The following AOX1 variants were observed in gnomAD, a reference collection of about 807,000 sequenced individuals.
AOX1 encodes the protein aldehyde oxidase.
A neutral mutation model predicts 169.5 loss-of-function variants in AOX1; 153 were observed. That is an observed-to-expected ratio of 0.90 (90% CI 0.79 to 1.03). AOX1 has a LOEUF of 1.03. Ranked by LOEUF, AOX1 falls within the 50% of genes least tolerant of loss-of-function variation. The pLI is 0.00. For missense variants in AOX1, 1,656 were observed against 1,663.9 expected (o/e 1.00, Z 0.08); for synonymous variants, 562 against 581.9 (o/e 0.97, Z 0.49).
Position 200,668,710 on chromosome 2 carries a change from A to G in AOX1, c.3705A>G (p.Gln1235=), listed in dbSNP as rs931637805. The G allele has an allele frequency of 1.9e-6, 3 of 1,614,222 alleles. No homozygotes were observed. The highest frequency in any genetic ancestry group is 1.3e-5 in the African/African-American group (1 of 75,066). Residue 1235 remains glutamine, a synonymous_variant, in exon 33 of 35, where the codon CAA becomes CAG. Coordinates refer to ENST00000374700, the MANE Select transcript of AOX1 (RefSeq NM_001159.4). Reference sequence around the variant, plus strand: ...TTCTGCACACTCGTGGTCCAGACCAATATAAAATCCCTGCCATCTGTGACA... The same window carrying G: ...TTCTGCACACTCGTGGTCCAGACCAGTATAAAATCCCTGCCATCTGTGACA... ...QGILHTRGPD[Q]YKIPAICDMP...
chr2:200,588,266 C>G (rs1391466134), intron 1 of AOX1: 2 of 152,528 alleles, frequency 1.3e-5, no homozygotes, highest in African/African-American at 4.8e-5. Flanking sequence ...TGCAAAGGTC[C>G]TGAGGTAGGA....
chr2:200,591,633 C>T (rs2034174697), intron 1 of AOX1, among the ~76,000 whole-genome samples: 1 of 152,222 alleles, frequency 6.6e-6, no homozygotes, highest in African/African-American at 2.4e-5. Context: ...GTTCCCTCTA[C>T]CAGAAATCCT....
intron 14 of AOX1, among the ~76,000 whole-genome samples, chr2:200,613,025 T>TGAGAGAGAGA (rs200261175): frequency 1.9e-4 from 18 of 95,834 alleles, no homozygotes; most frequent in Non-Finnish European, 2.9e-4. Context: ...TGTGTGTGTG[T>TGAGAGAGAGA]GTGAGAGAGA....
At chr2:200,658,704 C>T (rs1464797070) in intron 27 of AOX1, among the ~76,000 whole-genome samples, 1 of 152,002 alleles carries the variant, frequency 6.6e-6, no homozygotes, top group Non-Finnish European at 1.5e-5. Context: ...ATGTTCATGC[C>T]GTTGCTTTTC....
chr2:200,613,780 G>A (rs1344444267), intron 14 of AOX1, 24 bp from the exon 15 acceptor site: 2 of 1,606,052 alleles, frequency 1.2e-6, no homozygotes, highest in South Asian at 2.2e-5. Flanking sequence ...GTCAGGCTAG[G>A]AGTCTTCTCT....
chr2:200,630,525 AAGAT>A (rs1309246346), intron 20 of AOX1, among the ~76,000 whole-genome samples: 1 of 145,380 alleles, frequency 6.9e-6, no homozygotes, highest in Non-Finnish European at 1.5e-5. Flanking sequence ...TCAAAAAAAA[AAGAT>A]GGATGGATGG....
At position 200,662,918 on chromosome 2, in the gene AOX1, T is replaced by C. The variant is rs779246305; in HGVS notation, c.3492T>C (p.Tyr1164=). Reference sequence around the variant, plus strand: ...GCCAGCCCTTCGAATACTTTGTTTATGGAGCTGCCTGTTCCGAGGTTGAAA... The same window carrying C: ...GCCAGCCCTTCGAATACTTTGTTTACGGAGCTGCCTGTTCCGAGGTTGAAA... ...GEGQPFEYFV[Y]GAACSEVEID... is the part of the protein sequence containing the mutation. Residue 1164 remains tyrosine (Y), a synonymous_variant, in exon 31 of 35, where the codon TAT becomes TAC. Transcript: ENST00000374700. The C allele has an allele frequency of 6.2e-7, 1 of 1,614,108 alleles. No individual in the cohort carries two copies. The highest frequency in any genetic ancestry group is 8.5e-7 in the Non-Finnish European group (1 of 1,179,964).
chr2:200,679,606 C>T (rs531983230), downstream of AOX1, among the ~76,000 whole-genome samples: 2 of 152,076 alleles, frequency 1.3e-5, no homozygotes, highest in Non-Finnish European at 2.9e-5. Context: ...CTATTTGAGG[C>T]TTATTACACT....
chr2:200,633,622 C>T (rs1205673321), intron 20 of AOX1, among the ~76,000 whole-genome samples: 1 of 151,888 alleles, frequency 6.6e-6, no homozygotes, highest in African/African-American at 2.4e-5. Context: ...TGTGTAATTG[C>T]TTATTAAAGC....
Position 200,670,670 on chromosome 2 carries a change from A to G in AOX1, c.4008A>G (p.Val1336=), listed in dbSNP as rs752704817. The G allele has an allele frequency of 1.2e-5, 19 of 1,612,466 alleles. No homozygotes were observed. In the African/African-American group the frequency reaches 2.5e-4, roughly 22 times the overall value. ...CTGGATCCTACGTTCCTTGGAATGTACCCATCTGAATCAAATGCAAACTTC... is the reference window on the plus strand; with the variant it reads ...CTGGATCCTACGTTCCTTGGAATGTGCCCATCTGAATCAAATGCAAACTTC... ...DEPGSYVPWN[V]PI Residue 1336 remains valine, a synonymous_variant, in exon 35 of 35, where the codon GTA becomes GTG. Coordinates refer to ENST00000374700, the MANE Select transcript of AOX1 (RefSeq NM_001159.4).
chr2:200,647,035 T>C (rs111293911), intron 25 of AOX1, among the ~76,000 whole-genome samples: 18,692 of 152,242 alleles, frequency 0.12, 1,308 homozygotes, highest in Non-Finnish European at 0.16. Flanking sequence ...TCTGTATCTT[T>C]TAAGTGGAGA....
chr2:200,610,793 C>T (rs1038931842), intron 12 of AOX1, among the ~76,000 whole-genome samples: 6 of 152,112 alleles, frequency 3.9e-5, no homozygotes, highest in Admixed American at 2.0e-4. Context: ...AGGTTCTATT[C>T]TACCTGAAAC....
downstream of AOX1, among the ~76,000 whole-genome samples, chr2:200,679,657 C>T (rs936806052): frequency 8.8e-5 from 11 of 124,424 alleles, no homozygotes; most frequent in Admixed American, 6.1e-4. Flanking sequence ...GGTAGTGACG[C>T]CCCCCCCCGA....
intron 20 of AOX1, among the ~76,000 whole-genome samples, chr2:200,632,429 A>G (rs1275633618): frequency 6.6e-6 from 1 of 151,670 alleles, no homozygotes; most frequent in Non-Finnish European, 1.5e-5. Context: ...CTCCCTTTAC[A>G]TCCCTCTCCC....
intron 5 of AOX1, among the ~76,000 whole-genome samples, chr2:200,601,355 T>C (rs772220356): frequency 5.9e-5 from 9 of 152,176 alleles, no homozygotes; most frequent in Non-Finnish European, 8.8e-5. Context: ...GTTTCAGTTA[T>C]GCAAAAGGAG....
At chr2:200,589,343 G>T (rs1295750168) in intron 1 of AOX1, among the ~76,000 whole-genome samples, 1 of 152,062 alleles carries the variant, frequency 6.6e-6, no homozygotes, top group East Asian at 1.9e-4. Context: ...AATAAATTCT[G>T]CCATAGATGC....
At chr2:200,659,786 T>TCTCACACACACACA (rs373271043) in intron 28 of AOX1, among the ~76,000 whole-genome samples, 19 of 96,104 alleles carry the variant, frequency 2.0e-4, no homozygotes, top group African/African-American at 7.1e-4. Flanking sequence ...GTTCTCTCTC[T>TCTCACACACACACA]CACACACACA....
intron 19 of AOX1, among the ~76,000 whole-genome samples, chr2:200,626,105 C>T (rs2034998650): frequency 6.6e-6 from 1 of 152,222 alleles, no homozygotes; most frequent in Non-Finnish European, 1.5e-5. Context: ...CAGTTTCACA[C>T]ATTAACTTAC....
intron 20 of AOX1, among the ~76,000 whole-genome samples, chr2:200,630,534 G>A (rs1222152595): frequency 7.2e-6 from 1 of 138,776 alleles, no homozygotes; most frequent in Non-Finnish European, 1.5e-5. Context: ...AAAGATGGAT[G>A]GATGGAAGGA....
Sources: allele counts gnomAD v4.1 joint callset (sites outside exome capture counted in the v4.1 genomes callset), GRCh38; gene constraint gnomAD v4.1.1; transcripts MANE v1.5; gene names NCBI Gene and HGNC (gene_info 2026-07-23, HGNC 2026-07-21).